The following DSCAM variants were observed in gnomAD, a reference collection of about 807,000 sequenced individuals.
DSCAM encodes the protein cell adhesion molecule DSCAM.
A neutral mutation model predicts 217.7 loss-of-function variants in DSCAM; 47 were observed. The ratio of observed to expected loss-of-function variants is 0.22; its 90% CI spans 0.17 to 0.28. The LOEUF is 0.28. DSCAM is among the 10% of genes least tolerant of loss of function. The pLI is 1.00. For missense variants in DSCAM, 2,080 were observed against 2,618.3 expected, an observed-to-expected ratio of 0.79 and a Z score of 4.49; for synonymous variants, 1,056 against 1,015.3, an observed-to-expected ratio of 1.04 and a Z score of -0.76.
chr21:40,531,968 A>T (rs1279843562), intron 3 of DSCAM, among the ~76,000 whole-genome samples: 2 of 152,224 alleles, frequency 1.3e-5, no homozygotes, highest in Non-Finnish European at 2.9e-5. Context: ...TCAAGTAGGC[A>T]GAGCTGGGGT....
chr21:40,446,143 C>T (rs1050347246), intron 3 of DSCAM, among the ~76,000 whole-genome samples: 7 of 152,154 alleles, frequency 4.6e-5, no homozygotes, highest in African/African-American at 1.7e-4. Flanking sequence ...TACCTAAAAG[C>T]TATTTAAGTT....
chr21:40,547,166 T>C (rs1038376659), intron 3 of DSCAM, among the ~76,000 whole-genome samples: 1 of 152,072 alleles, frequency 6.6e-6, no homozygotes, highest in Non-Finnish European at 1.5e-5. Flanking sequence ...GACCCCACTG[T>C]CCCCCGGTGT....
chr21:40,570,389 C>T (rs1459545151), intron 3 of DSCAM, among the ~76,000 whole-genome samples: 1 of 152,180 alleles, frequency 6.6e-6, no homozygotes, highest in East Asian at 1.9e-4. Context: ...TGACTCAGCC[C>T]CACATCACCA....
chr21:40,539,515 A>C (rs1180855227), intron 3 of DSCAM, among the ~76,000 whole-genome samples: 1 of 152,036 alleles, frequency 6.6e-6, no homozygotes, highest in Non-Finnish European at 1.5e-5. Flanking sequence ...AAAAAGAAAA[A>C]AAAAAGAAAA....
Position 40,183,037 on chromosome 21 carries a change from CAGGAGGGGGCTACCAGAGAAACCG to C in DSCAM, c.2780-3967_2780-3944del, listed in dbSNP as rs1568987021. On this transcript the variant is annotated intron_variant, in intron 14 of 32. Coordinates refer to ENST00000400454, the MANE Select transcript of DSCAM (RefSeq NM_001389.5). ...AACGGGCCACCAGAGAAACCGTGGA[CAGGAGGGGGCTACCAGAGAAACCG>C]TGGACAGGAGGGGGCTACCAGAGAA... Among the ~76,000 whole-genome samples, 16 of 29,164 alleles carry C rather than the reference CAGGAGGGGGCTACCAGAGAAACCG, an allele frequency of 5.5e-4. 4 individuals carry two copies. The highest frequency in any genetic ancestry group is 8.3e-4 in the African/African-American group (4 of 4,812). 19.1% of individuals were successfully genotyped at this position (29,164 alleles called of 152,430 possible). A position where few individuals can be genotyped will look rare whatever the true frequency, so the allele number is the denominator to read the frequency against.
chr21:40,775,164 A>T (rs2091477537), intron 1 of DSCAM, among the ~76,000 whole-genome samples: 2 of 152,006 alleles, frequency 1.3e-5, no homozygotes, highest in African/African-American at 4.8e-5. Flanking sequence ...AAAGCCTAAA[A>T]TCCCTAATAT....
chr21:40,441,203 T>C (rs977532985), intron 3 of DSCAM, among the ~76,000 whole-genome samples: 30 of 152,156 alleles, frequency 2.0e-4, no homozygotes, highest in African/African-American at 7.0e-4. Context: ...GCCAGGATCA[T>C]CTTTCTTGAG....
At chr21:40,336,483 C>T (rs902894535) in intron 8 of DSCAM, among the ~76,000 whole-genome samples, 1 of 152,178 alleles carries the variant, frequency 6.6e-6, no homozygotes, top group African/African-American at 2.4e-5. Context: ...TATTGTATAA[C>T]AAATTGTATC....
intron 11 of DSCAM, among the ~76,000 whole-genome samples, chr21:40,258,083 C>G (rs2073398630): frequency 6.6e-6 from 1 of 152,186 alleles, no homozygotes; most frequent in African/African-American, 2.4e-5. Context: ...CTGTATCAAT[C>G]TAAATGAGCC....
chr21:40,522,778 C>T (rs2076369612), intron 3 of DSCAM, among the ~76,000 whole-genome samples: 1 of 152,188 alleles, frequency 6.6e-6, no homozygotes, highest in East Asian at 1.9e-4. Flanking sequence ...TTCCTGTTTC[C>T]ATTCGCAACT....
intron 11 of DSCAM, among the ~76,000 whole-genome samples, chr21:40,241,401 A>T (rs148435287): frequency 6.6e-6 from 1 of 152,324 alleles, no homozygotes; most frequent in East Asian, 1.9e-4. Flanking sequence ...CAATATCACC[A>T]ATCACTAGAG....
chr21:40,477,551 C>T (rs2837648), intron 3 of DSCAM, among the ~76,000 whole-genome samples: 28,367 of 152,002 alleles, frequency 0.19, 2,787 homozygotes, highest in South Asian at 0.23. Context: ...TTCCAGAGAA[C>T]CTGCCCATTA....
chr21:40,387,873 T>C (rs980806170), intron 3 of DSCAM, among the ~76,000 whole-genome samples: 3 of 151,834 alleles, frequency 2.0e-5, no homozygotes, highest in Non-Finnish European at 4.4e-5. Flanking sequence ...TGGGCAGAAA[T>C]AAAACACATA....
At chr21:40,365,958 A>C (rs1000673881) in intron 4 of DSCAM, among the ~76,000 whole-genome samples, 1 of 152,172 alleles carries the variant, frequency 6.6e-6, no homozygotes, top group African/African-American at 2.4e-5. Flanking sequence ...TTTTAAAGAA[A>C]AAACTTGTTT....
At chr21:40,700,893 C>T (rs2146466782) in intron 2 of DSCAM, among the ~76,000 whole-genome samples, 2 of 152,170 alleles carry the variant, frequency 1.3e-5, no homozygotes, top group Admixed American at 1.3e-4. Flanking sequence ...TGTGTCACCA[C>T]ACTTGACTGA....
chr21:40,101,574 C>A (rs2089751126), intron 20 of DSCAM, among the ~76,000 whole-genome samples: 1 of 152,008 alleles, frequency 6.6e-6, no homozygotes, highest in South Asian at 2.1e-4. Context: ...AGTATAGGTC[C>A]CTAGTATTAG....
chr21:40,839,293 T>C (rs1207178472), intron 1 of DSCAM, among the ~76,000 whole-genome samples: 1 of 152,208 alleles, frequency 6.6e-6, no homozygotes, highest in African/African-American at 2.4e-5. Flanking sequence ...GAGGGACTTG[T>C]GATAATCACA....
chr21:40,423,499 C>A (rs1166069711), intron 3 of DSCAM, among the ~76,000 whole-genome samples: 1 of 152,178 alleles, frequency 6.6e-6, no homozygotes, highest in East Asian at 1.9e-4. Flanking sequence ...GTGCAAGACA[C>A]CTGAAGTGGG....
chr21:40,046,607 AAATAAGTGAAGCTTGTTATTTAAATGCT>A (rs2088845192), intron 30 of DSCAM, among the ~76,000 whole-genome samples: 1 of 152,230 alleles, frequency 6.6e-6, no homozygotes, highest in Non-Finnish European at 1.5e-5. Context: ...AGTGGAGCTT[AAATAAGTGAAGCTTGTTATTTAAATGCT>A]AATGAGTCTT....
Sources: allele counts gnomAD v4.1 joint callset (sites outside exome capture counted in the v4.1 genomes callset), GRCh38; gene constraint gnomAD v4.1.1; transcripts MANE v1.5; gene names NCBI Gene and HGNC (gene_info 2026-07-23, HGNC 2026-07-21).